Variants in NEUROD2 observed in about 807,000 individuals in gnomAD.
NEUROD2 encodes the protein neurogenic differentiation factor 2.
Under a neutral mutation model 9.3 loss-of-function variants are expected in NEUROD2, and 5 were observed. That is an observed-to-expected ratio of 0.54 (90% CI 0.28 to 1.13). The LOEUF is 1.13. Ranked by LOEUF, NEUROD2 falls within the 50% of genes most tolerant of loss-of-function variation. NEUROD2 has a pLI of 0.10. For missense variants in NEUROD2, 376 were observed against 549.2 expected, an observed-to-expected ratio of 0.68 and a Z score of 3.15; for synonymous variants, 277 against 257.3, an observed-to-expected ratio of 1.08 and a Z score of -0.73.
chr17:39,605,840 C>A lies in NEUROD2; in HGVS notation c.760G>T (p.Ala254Ser). 1.5e-6 allele frequency: 2 copies of A among 1,365,764 alleles called. No homozygotes were observed. The highest frequency in any genetic ancestry group is 1.9e-6 in the Non-Finnish European group (2 of 1,065,522). 84.6% of individuals were successfully genotyped at this position (1,365,764 alleles called of 1,614,324 possible). A position where few individuals can be genotyped will look rare whatever the true frequency, so the allele number is the denominator to read the frequency against. The change falls in exon 2 of 2, where the codon GCC becomes TCC. Residue 254 changes from alanine to serine, a missense_variant. By Grantham distance (99) the Ala-to-Ser change is moderately conservative (BLOSUM62 1). Coordinates refer to ENST00000302584, the MANE Select transcript of NEUROD2 (RefSeq NM_006160.4). The surrounding 1 kb of genome is among the most constrained non-coding windows in gnomAD (Gnocchi z 6.8). The part of the protein sequence containing the change: ...SRLAGAQCQA[A>S]GGLGGGAAHA... ...GCCGCGCCGCCGCCCAGGCCGCCGG[C>A]CGCCTGGCACTGTGCGCCCGCCAGG...
In NEUROD2 at chr17:39,605,856, G is replaced by A. The variant is rs776073666; in HGVS notation, c.744C>T (p.Gly248=). 1.3e-6 allele frequency: 2 copies of A among 1,493,590 alleles called. No individual in the cohort carries two copies. The highest frequency in any genetic ancestry group is 1.8e-6 in the Non-Finnish European group (2 of 1,127,006). The allele number at this position is 1,493,590 out of a possible 1,614,324, so 92.5% of individuals were successfully genotyped here. A position where few individuals can be genotyped will look rare whatever the true frequency, so the allele number is the denominator to read the frequency against. Residue 248 remains glycine (G), a synonymous_variant, in exon 2 of 2, where the codon GGC becomes GGT. Transcript: ENST00000302584. This position sits in a 1 kb window ranked among gnomAD's most constrained non-coding sequence, Gnocchi z 6.8. Reference sequence around the variant, plus strand: ...GGCCGCCGGCCGCCTGGCACTGTGCGCCCGCCAGGCGCGAGCACGGGTACG... The same window carrying A: ...GGCCGCCGGCCGCCTGGCACTGTGCACCCGCCAGGCGCGAGCACGGGTACG... The part of the protein sequence containing the change: ...PYPYPCSRLA[G]AQCQAAGGLG...
In NEUROD2 at chr17:39,605,632, T is replaced by C; in HGVS notation, c.968A>G (p.Tyr323Cys). ...QDSSPDHEKS[Y>C]HYSMHYSALP... ...CGCCGAGTAGTGCATAGAGTAGTGG[T>C]AGCTTTTCTCGTGGTCGGGCGAGGA... The change falls in exon 2 of 2, where the codon TAC becomes TGC. Residue 323 changes from tyrosine to cysteine, a missense_variant. By Grantham distance (194) the Tyr-to-Cys change is radical. Transcript: ENST00000302584. The surrounding 1 kb of genome is among the most constrained non-coding windows in gnomAD (Gnocchi z 6.8). The C allele has an allele frequency of 6.2e-7, 1 of 1,612,864 alleles. No individual in the cohort carries two copies. Among genetic ancestry groups the C allele is most frequent in the South Asian group, 1.1e-5 (1 of 90,980 alleles).
In NEUROD2 at chr17:39,606,937, C is replaced by A; in HGVS notation, c.-5-333G>T. 1 of 227,222 alleles carries A rather than the reference C, an allele frequency of 4.4e-6. No homozygotes were observed. The highest frequency in any genetic ancestry group is 8.5e-6 in the Non-Finnish European group (1 of 117,180). The allele number at this position is 227,222 out of a possible 1,614,324, so 14.1% of individuals were successfully genotyped here. On this transcript the variant is annotated intron_variant, in intron 1 of 1. Coordinates refer to ENST00000302584, the MANE Select transcript of NEUROD2 (RefSeq NM_006160.4). The surrounding 1 kb of genome is among the most constrained non-coding windows in gnomAD (Gnocchi z 7.8). Reference sequence around the variant, plus strand: ...GGGTTTTAGGGACCAGATATCTTTGCCAGGGGAGGCGGCGCGCTCGCCCTG... The same window carrying A: ...GGGTTTTAGGGACCAGATATCTTTGACAGGGGAGGCGGCGCGCTCGCCCTG...
At position 39,605,617 on chromosome 17, in the gene NEUROD2, T is replaced by A; in HGVS notation, c.983A>T (p.His328Leu). ...DHEKSYHYSMHYSALPGSRPT... is the reference protein window; with the variant it reads ...DHEKSYHYSMLYSALPGSRPT... Reference sequence around the variant, plus strand: ...CCGCGAACCGGGCAGCGCCGAGTAGTGCATAGAGTAGTGGTAGCTTTTCTC... The same window carrying A: ...CCGCGAACCGGGCAGCGCCGAGTAGAGCATAGAGTAGTGGTAGCTTTTCTC... Residue 328 changes from histidine (H) to leucine (L), a missense_variant, in exon 2 of 2, where the codon CAC becomes CTC. Coordinates refer to ENST00000302584, the MANE Select transcript of NEUROD2 (RefSeq NM_006160.4). The surrounding 1 kb of genome is among the most constrained non-coding windows in gnomAD (Gnocchi z 6.8). The A allele has an allele frequency of 1.2e-6, 2 of 1,613,346 alleles. No homozygotes were observed. Among genetic ancestry groups the A allele is most frequent in the Non-Finnish European group, 1.7e-6 (2 of 1,179,652 alleles).
At position 39,604,343 on chromosome 17, in the gene NEUROD2, T is replaced by C. The variant is rs2056757007; in HGVS notation, c.*1108A>G. On this transcript the variant is annotated 3_prime_UTR_variant, in exon 2 of 2. Transcript: ENST00000302584. The stretch of plus-strand genomic sequence containing the variant: ...CCTCCCCAAACCGACCCCCCAACAG[T>C]TTGCCATTCCATACAAATTTGGAAA... 1 of 152,646 alleles carries C rather than the reference T, an allele frequency of 6.6e-6. No homozygotes were observed. Among genetic ancestry groups the C allele is most frequent in the Admixed American group, 6.5e-5 (1 of 15,286 alleles). The allele number at this position is 152,646 out of a possible 1,614,324, so 9.5% of individuals were successfully genotyped here.
Position 39,605,532 on chromosome 17 carries a change from C to T in NEUROD2, c.1068G>A (p.Glu356=). 2 of 1,613,428 alleles carry T rather than the reference C, an allele frequency of 1.2e-6. No individual in the cohort carries two copies. Among genetic ancestry groups the T allele is most frequent in the African/African-American group, 1.3e-5 (1 of 75,038 alleles). ...SSAVRGGVHS[E]NLLSYDMHLH... is the part of the protein sequence containing the mutation. The stretch of plus-strand genomic sequence containing the variant: ...GGTGCATATCGTAAGACAAGAGATT[C>T]TCCGAGTGGACGCCCCCGCGCACAG... Residue 356 remains glutamate, a synonymous_variant, in exon 2 of 2, where the codon GAG becomes GAA. Transcript: ENST00000302584. The surrounding 1 kb of genome is among the most constrained non-coding windows in gnomAD (Gnocchi z 6.8).
Position 39,606,750 on chromosome 17 carries a change from C to G in NEUROD2, c.-5-146G>C. On this transcript the variant is annotated intron_variant, in intron 1 of 1. Transcript: ENST00000302584. This position sits in a 1 kb window ranked among gnomAD's most constrained non-coding sequence, Gnocchi z 7.8. Reference sequence around the variant, plus strand: ...GGCTACCCTGGATGCCCACCTCCGCCGCCTGCCCCGCCCAGAGCCGGCCCA... The same window carrying G: ...GGCTACCCTGGATGCCCACCTCCGCGGCCTGCCCCGCCCAGAGCCGGCCCA... 1.2e-6 allele frequency: 1 copy of G among 837,134 alleles called. No homozygotes were observed. The highest frequency in any genetic ancestry group is 3.2e-5 in the East Asian group (1 of 31,034). The allele number at this position is 837,134 out of a possible 1,614,324, so 51.9% of individuals were successfully genotyped here. A position where few individuals can be genotyped will look rare whatever the true frequency, so the allele number is the denominator to read the frequency against.
chr17:39,606,573 G>C lies in NEUROD2; in HGVS notation c.27C>G (p.Pro9=). The change falls in exon 2 of 2, where the codon CCC becomes CCG. Residue 9 remains proline (P), a synonymous_variant. Transcript: ENST00000302584. This position sits in a 1 kb window ranked among gnomAD's most constrained non-coding sequence, Gnocchi z 7.8. MLTRLFSE[P]GLLSDVPKFA... ...ACTTGGGCACGTCCGAGAGAAGGCC[G>C]GGCTCGCTGAACAGGCGGGTCAGCA... is the stretch of plus-strand genomic sequence containing the variant. The C allele has an allele frequency of 6.3e-7, 1 of 1,583,546 alleles. No individual in the cohort carries two copies.
In NEUROD2 at chr17:39,604,167, G is replaced by C. The variant is rs1054656513; in HGVS notation, c.*1284C>G. On this transcript the variant is annotated 3_prime_UTR_variant, in exon 2 of 2. Coordinates refer to ENST00000302584, the MANE Select transcript of NEUROD2 (RefSeq NM_006160.4). ...CGGGCAGGGGTGGGGCTGCCCCCAG[G>C]TCTCCATCCCCACCCCTCACCCCAG... 1.6e-4 allele frequency: 24 copies of C among 152,540 alleles called. No individual in the cohort carries two copies. Among genetic ancestry groups the C allele is most frequent in the Non-Finnish European group, 4.4e-5 (3 of 68,016 alleles). 9.4% of individuals were successfully genotyped at this position (152,540 alleles called of 1,614,324 possible).
rs767765038 is a variant in NEUROD2 at position 39,605,896 on chromosome 17, G to A, written c.704C>T (p.Ala235Val). ...GCACGGGTACGGGTAGGGGTGCATG[G>A]CGAACGGGCCGCCCGAGCCGTGGAA... ...GRFHGSGGPF[A>V]MHPYPYPCSR... Residue 235 changes from alanine to valine, a missense_variant, in exon 2 of 2, where the codon GCC becomes GTC. This residue lies in a region of NEUROD2 where 193 missense variants were observed against 255.8 expected (regional missense o/e 0.75). Coordinates refer to ENST00000302584, the MANE Select transcript of NEUROD2 (RefSeq NM_006160.4). The surrounding 1 kb of genome is among the most constrained non-coding windows in gnomAD (Gnocchi z 6.8). 1 of 1,603,922 alleles carries A rather than the reference G, an allele frequency of 6.2e-7. No individual in the cohort carries two copies. Among genetic ancestry groups the A allele is most frequent in the Non-Finnish European group, 8.5e-7 (1 of 1,176,858 alleles).
chr17:39,606,855 A>C lies in NEUROD2; in HGVS notation c.-5-251T>G. The C allele has an allele frequency of 2.2e-6, 1 of 452,730 alleles. No homozygotes were observed. The highest frequency in any genetic ancestry group is 3.9e-6 in the Non-Finnish European group (1 of 258,554). 28.0% of individuals were successfully genotyped at this position (452,730 alleles called of 1,614,324 possible). A position where few individuals can be genotyped will look rare whatever the true frequency, so the allele number is the denominator to read the frequency against. On this transcript the variant is annotated intron_variant, in intron 1 of 1. Transcript: ENST00000302584. This position sits in a 1 kb window ranked among gnomAD's most constrained non-coding sequence, Gnocchi z 7.8. ...GGCCCCGGCTCCGCCCCTCGCTTGAATGGGGGGCTGCTCCCCGCGCCTGCT... is the reference window on the plus strand; with the variant it reads ...GGCCCCGGCTCCGCCCCTCGCTTGACTGGGGGGCTGCTCCCCGCGCCTGCT...
At position 39,605,459 on chromosome 17, in the gene NEUROD2, G is replaced by GA; in HGVS notation, c.1140dup (p.His381SerfsTer2). The GA allele has an allele frequency of 6.3e-7, 1 of 1,578,226 alleles. No individual in the cohort carries two copies. The highest frequency in any genetic ancestry group is 8.6e-7 in the Non-Finnish European group (1 of 1,159,360). On this transcript the variant is annotated frameshift_variant, in exon 2 of 2. Transcript: ENST00000302584. LOFTEE classifies it high-confidence loss of function. The surrounding 1 kb of genome is among the most constrained non-coding windows in gnomAD (Gnocchi z 6.8). ...GGAGCCGGCGCGAAGTCTCAGTTAT[G>GA]AAAAAACGCATTGAGCTCCTCGTAC...
In NEUROD2 at chr17:39,605,886, G is replaced by T. The variant is rs1472594676; in HGVS notation, c.714C>A (p.Pro238=). ...CCAGGCGCGAGCACGGGTACGGGTA[G>T]GGGTGCATGGCGAACGGGCCGCCCG... The part of the protein sequence containing the change: ...HGSGGPFAMH[P]YPYPCSRLAG... The change falls in exon 2 of 2, where the codon CCC becomes CCA. Residue 238 remains proline (P), a synonymous_variant. Coordinates refer to ENST00000302584, the MANE Select transcript of NEUROD2 (RefSeq NM_006160.4). This position sits in a 1 kb window ranked among gnomAD's most constrained non-coding sequence, Gnocchi z 6.8. The T allele has an allele frequency of 6.3e-7, 1 of 1,598,644 alleles. No homozygotes were observed. Among genetic ancestry groups the T allele is most frequent in the African/African-American group, 1.3e-5 (1 of 74,652 alleles).
Position 39,606,194 on chromosome 17 carries a change from C to G in NEUROD2, c.406G>C (p.Asp136His). The change falls in exon 2 of 2, where the codon GAC becomes CAC. Residue 136 changes from aspartate to histidine, a missense_variant. By Grantham distance (81) the Asp-to-His change is moderately conservative. Coordinates refer to ENST00000302584, the MANE Select transcript of NEUROD2 (RefSeq NM_006160.4). The surrounding 1 kb of genome is among the most constrained non-coding windows in gnomAD (Gnocchi z 7.8). ...AGGTTGTCCAGGGCTGCGTTCAGGT[C>G]GTGCATGCGGTTGCGCTCCCGCGCG... ...ANARERNRMH[D>H]LNAALDNLRK... The G allele has an allele frequency of 6.2e-7, 1 of 1,612,782 alleles. No individual in the cohort carries two copies. The highest frequency in any genetic ancestry group is 8.5e-7 in the Non-Finnish European group (1 of 1,179,906).
Position 39,604,752 on chromosome 17 carries a change from T to G in NEUROD2, c.*699A>C, listed in dbSNP as rs1475874357. The G allele has an allele frequency of 1.4e-5, 2 of 138,862 alleles. No individual in the cohort carries two copies. Among genetic ancestry groups the G allele is most frequent in the Non-Finnish European group, 3.1e-5 (2 of 64,490 alleles). 8.6% of individuals were successfully genotyped at this position (138,862 alleles called of 1,614,324 possible). A position where few individuals can be genotyped will look rare whatever the true frequency, so the allele number is the denominator to read the frequency against. ...TCTGCGTTCGGCTTCCGTCGCCTCT[T>G]AGCTTTTTTTTTTTTTTTTTTTTTT... On this transcript the variant is annotated 3_prime_UTR_variant, in exon 2 of 2. Coordinates refer to ENST00000302584, the MANE Select transcript of NEUROD2 (RefSeq NM_006160.4).
chr17:39,605,457 A>T lies in NEUROD2; in HGVS notation c.1143T>A (p.His381Gln). The T allele has an allele frequency of 6.3e-7, 1 of 1,576,054 alleles. No individual in the cohort carries two copies. Among genetic ancestry groups the T allele is most frequent in the Non-Finnish European group, 8.6e-7 (1 of 1,158,058 alleles). Residue 381 changes from histidine (H) to glutamine (Q), a missense_variant, in exon 2 of 2, where the codon CAT becomes CAA. Around this residue, in one of 3 missense-constraint regions of NEUROD2, gnomAD observed 193 missense variants for 255.8 expected, o/e 0.75. Transcript: ENST00000302584. This position sits in a 1 kb window ranked among gnomAD's most constrained non-coding sequence, Gnocchi z 6.8. Reference protein sequence around the residue: ...PMYEELNAFFHN With the variant: ...PMYEELNAFFQN ...AGGGAGCCGGCGCGAAGTCTCAGTT[A>T]TGAAAAAACGCATTGAGCTCCTCGT...
In NEUROD2 at chr17:39,606,342, T is replaced by C. The variant is rs1005731604; in HGVS notation, c.258A>G (p.Glu86=). 2 of 1,586,260 alleles carry C rather than the reference T, an allele frequency of 1.3e-6. No individual in the cohort carries two copies. The highest frequency in any genetic ancestry group is 1.3e-5 in the African/African-American group (1 of 74,194). ...EGELGGEEEE[E]EEEEEGLDEA... is the part of the protein sequence containing the mutation. The stretch of plus-strand genomic sequence containing the variant: ...CGTCCAGTCCTTCTTCCTCCTCCTC[T>C]TCCTCCTCCTCCTCTCCCCCCAGCT... The change falls in exon 2 of 2, where the codon GAA becomes GAG. Residue 86 remains glutamate (E), a synonymous_variant. Transcript: ENST00000302584. The surrounding 1 kb of genome is among the most constrained non-coding windows in gnomAD (Gnocchi z 7.8).
intron 1 of NEUROD2, chr17:39,607,509 TC>T (rs961957035): frequency 1.3e-4 from 86 of 654,890 alleles, no homozygotes; most frequent in African/African-American, 1.8e-4. Context: ...GATCCTGCCT[TC>T]CCCCCCCACC....
rs1372506476 is a variant in NEUROD2, at chr17:39,607,762, G to C, written c.-40C>G. 1 of 178,502 alleles carries C rather than the reference G, an allele frequency of 5.6e-6. No homozygotes were observed. The highest frequency in any genetic ancestry group is 6.5e-5 in the Admixed American group (1 of 15,312). The allele number at this position is 178,502 out of a possible 1,614,324, so 11.1% of individuals were successfully genotyped here. On this transcript the variant is annotated 5_prime_UTR_variant, in exon 1 of 2. Transcript: ENST00000302584. ...GAGTCAAGGGGAGAGGGGAGGGGAG[G>C]GGGGGAGGGGGCAAGAGAGAGAGGG...
Sources: gnomAD v4.1 joint callset for allele counts on GRCh38, gnomAD v4.1.1 for gene constraint, gnomAD v4.1.1 regional missense constraint, Gnocchi (gnomAD v3.1) non-coding constraint, MANE v1.5 for transcripts, NCBI Gene and HGNC (gene_info 2026-07-23, HGNC 2026-07-21) for gene names.